SGCD: variants seen among roughly 807,000 people sequenced by gnomAD.
SGCD encodes sarcoglycan delta.
Under a neutral mutation model 36.6 loss-of-function variants are expected in SGCD, and 18 were observed. That is an observed-to-expected ratio of 0.49 (90% CI 0.34 to 0.73). SGCD has a LOEUF of 0.73. SGCD is among the 30% of genes least tolerant of loss of function. The pLI is 0.01. For synonymous variants in SGCD, 133 were observed against 130.6 expected (o/e 1.02, Z -0.12); for missense variants, 387 against 346.7 (o/e 1.12, Z -0.92).
intron 7 of SGCD, among the ~76,000 whole-genome samples, chr5:156,748,147 T>C (rs1418877927): frequency 6.6e-6 from 1 of 152,192 alleles, no homozygotes; most frequent in Non-Finnish European, 1.5e-5. Flanking sequence ...ATTCTCATTA[T>C]ATGAAGTTCA....
intron 6 of SGCD, among the ~76,000 whole-genome samples, chr5:156,614,151 G>A (rs753255555): frequency 1.3e-5 from 2 of 152,106 alleles, no homozygotes; most frequent in Non-Finnish European, 2.9e-5. Context: ...CACCACGTTG[G>A]CTAGGCTGGT....
At chr5:156,529,612 G>A (rs567258173) in intron 4 of SGCD, among the ~76,000 whole-genome samples, 51 of 151,968 alleles carry the variant, frequency 3.4e-4, no homozygotes, top group Middle Eastern at 3.4e-3. Flanking sequence ...CCAGTGCTCT[G>A]TCATTGCTAT....
chr5:156,738,218 T>G (rs1162886871), intron 7 of SGCD, among the ~76,000 whole-genome samples: 3 of 152,190 alleles, frequency 2.0e-5, no homozygotes, highest in Non-Finnish European at 2.9e-5. Context: ...AAATCAATTA[T>G]TTAGTTTCTA....
intron 3 of SGCD, among the ~76,000 whole-genome samples, chr5:156,175,458 C>T (rs1322601842): frequency 6.6e-6 from 1 of 152,068 alleles, no homozygotes; most frequent in African/African-American, 2.4e-5. Context: ...TCACCAACTA[C>T]ACCATATTTT....
At chr5:155,812,791 A>G in the SGCD span, among the ~76,000 whole-genome samples, 1 of 152,174 alleles carries the variant, frequency 6.6e-6, no homozygotes, top group African/African-American at 2.4e-5. Context: ...CTACTTTTTC[A>G]ACTGGTTCTC....
intron 1 of SGCD, among the ~76,000 whole-genome samples, chr5:156,042,204 A>G (rs1160067386): frequency 6.7e-6 from 1 of 149,666 alleles, no homozygotes; most frequent in South Asian, 2.1e-4. Context: ...TTTTTTGTCG[A>G]TAGAAGAAAA....
intron 3 of SGCD, among the ~76,000 whole-genome samples, chr5:156,489,785 A>T (rs903195981): frequency 4.6e-5 from 7 of 152,082 alleles, no homozygotes; most frequent in Admixed American, 2.6e-4. Flanking sequence ...AGGATTTCTA[A>T]TAAACAACCT....
intron 1 of SGCD, among the ~76,000 whole-genome samples, chr5:155,940,738 G>A (rs538475986): frequency 2.7e-4 from 41 of 152,072 alleles, no homozygotes; most frequent in African/African-American, 9.4e-4. Flanking sequence ...CTAACTATTC[G>A]GGAGGCTGAG....
the SGCD span, among the ~76,000 whole-genome samples, chr5:155,797,503 T>C: frequency 6.6e-6 from 1 of 152,204 alleles, no homozygotes; most frequent in Non-Finnish European, 1.5e-5. Context: ...AAAAGGCCAA[T>C]AGAATTGCTA....
intron 1 of SGCD, among the ~76,000 whole-genome samples, chr5:156,085,634 G>T (rs539212972): frequency 7.2e-5 from 11 of 152,260 alleles, no homozygotes; most frequent in South Asian, 2.1e-4. Context: ...CTAATACATG[G>T]ACTCATAAGA....
intron 1 of SGCD, among the ~76,000 whole-genome samples, chr5:156,086,911 C>T (rs1165892144): frequency 1.3e-5 from 2 of 152,204 alleles, no homozygotes; most frequent in Non-Finnish European, 2.9e-5. Context: ...ATTCTGGCTA[C>T]TTCCTGCTGA....
At position 156,145,001 on chromosome 5, in the gene SGCD, G is replaced by T. The variant is rs138113876; in HGVS notation, c.-44+20982G>T. 1.1e-3 allele frequency among the ~76,000 whole-genome samples: 167 copies of T among 152,304 alleles called. 1 individual carries two copies. Among genetic ancestry groups the T allele is most frequent in the Non-Finnish European group, 1.0e-4 (7 of 68,026 alleles). ...TGATTGTATTTTGATATGTCAGAAT[G>T]ATATAAGATTTTGGAGGTTCCAGGG... On this transcript the variant is annotated intron_variant, in intron 3 of 9. Coordinates refer to the SGCD transcript ENST00000517913.
chr5:155,990,856 G>A (rs1581030488), intron 1 of SGCD, among the ~76,000 whole-genome samples: 3 of 152,160 alleles, frequency 2.0e-5, no homozygotes, highest in African/African-American at 7.2e-5. Context: ...TGGTGGAGCT[G>A]GGTTTCAACC....
chr5:156,677,528 A>G (rs1297775456), intron 7 of SGCD, among the ~76,000 whole-genome samples: 2 of 150,688 alleles, frequency 1.3e-5, no homozygotes, highest in African/African-American at 4.9e-5. Flanking sequence ...ATCACATACC[A>G]GGGCCTGTTG....
chr5:156,647,617 A>AAT (rs1261829303), intron 7 of SGCD, 81 bp downstream of exon 7: 3 of 909,978 alleles, frequency 3.3e-6, no homozygotes, highest in African/African-American at 1.8e-5. Context: ...ATTCTGAATA[A>AAT]ATAATAAGTG....
At chr5:156,527,048 A>G (rs775164407) in intron 4 of SGCD, among the ~76,000 whole-genome samples, 1 of 152,202 alleles carries the variant, frequency 6.6e-6, no homozygotes, top group Non-Finnish European at 1.5e-5. Flanking sequence ...GCCACTGGGC[A>G]GGTAAGATTC....
At chr5:155,871,561 A>G (rs768209177) in intron 1 of SGCD, among the ~76,000 whole-genome samples, 1 of 152,178 alleles carries the variant, frequency 6.6e-6, no homozygotes, top group Non-Finnish European at 1.5e-5. Flanking sequence ...ACTGTAGGCC[A>G]GTGCTAGGGA....
At chr5:156,097,787 G>A (rs1761416503) in intron 1 of SGCD, among the ~76,000 whole-genome samples, 1 of 152,112 alleles carries the variant, frequency 6.6e-6, no homozygotes, top group Non-Finnish European at 1.5e-5. Flanking sequence ...ATTTTGCATT[G>A]TATTCTGGAC....
At chr5:156,232,956 C>T (rs534975401) in intron 3 of SGCD, among the ~76,000 whole-genome samples, 3 of 152,176 alleles carry the variant, frequency 2.0e-5, no homozygotes, top group Admixed American at 6.5e-5. Context: ...CCTTTTAACT[C>T]ATCTCTAGTG....
Sources: allele counts gnomAD v4.1 joint callset (sites outside exome capture counted in the v4.1 genomes callset), GRCh38; gene constraint gnomAD v4.1.1; transcripts MANE v1.5; gene names NCBI Gene and HGNC (gene_info 2026-07-23, HGNC 2026-07-21).